Variants in PIK3CG observed in about 807,000 individuals in gnomAD.
PIK3CG encodes the protein phosphatidylinositol-4,5-bisphosphate 3-kinase catalytic subunit gamma.
Under a neutral mutation model 102.3 loss-of-function variants are expected in PIK3CG, and 55 were observed. That is an observed-to-expected ratio of 0.54 (90% CI 0.43 to 0.67). The LOEUF (loss-of-function observed/expected upper bound fraction) is 0.67. PIK3CG is among the 30% of genes least tolerant of loss of function. The pLI, the probability that PIK3CG is intolerant of heterozygous loss-of-function variation, is 0.00. For missense variants in PIK3CG, 1,258 were observed against 1,391.8 expected (o/e 0.90, Z 1.53); for synonymous variants, 552 against 540.0 (o/e 1.02, Z -0.31).
intron 5 of PIK3CG, among the ~76,000 whole-genome samples, chr7:106,875,872 A>T (rs529558803): frequency 6.0e-5 from 9 of 149,746 alleles, no homozygotes; most frequent in African/African-American, 2.2e-4. Context: ...GTTGTTTCAC[A>T]TCCTAGCAAG....
At position 106,880,443 on chromosome 7, in the gene PIK3CG, TTTG is replaced by T. The variant is rs1269216554; in HGVS notation, c.2538+779_2538+781del. 1.3e-5 allele frequency among the ~76,000 whole-genome samples: 2 copies of T among 152,094 alleles called. No homozygotes were observed. The highest frequency in any genetic ancestry group is 4.8e-5 in the African/African-American group (2 of 41,430). On this transcript the variant is annotated intron_variant, in intron 6 of 10. Transcript: ENST00000496166. The surrounding 1 kb of genome is among the most constrained non-coding windows in gnomAD (Gnocchi z 4.2). Reference sequence around the variant, plus strand: ...GAAACAGGAATACCTTTGCTTTGCCTTTGCTTTGCCTTTGCTTTGCTTTCAAGA... The same window carrying T: ...GAAACAGGAATACCTTTGCTTTGCCTCTTTGCCTTTGCTTTGCTTTCAAGA...
chr7:106,874,796 C>G lies in PIK3CG; in HGVS notation c.2384C>G (p.Ala795Gly), dbSNP rs143259740. The G allele has an allele frequency of 6.2e-7, 1 of 1,608,062 alleles. No individual in the cohort carries two copies. Among genetic ancestry groups the G allele is most frequent in the African/African-American group, 1.3e-5 (1 of 74,766 alleles). Residue 795 changes from alanine to glycine, a missense_variant, in exon 5 of 11, where the codon GCG (alanine) becomes GGG (glycine). By Grantham distance (60) the Ala-to-Gly change is moderately conservative (BLOSUM62 0). This residue lies in a region of PIK3CG where 426 missense variants were observed against 604.2 expected (regional missense o/e 0.71). Coordinates refer to ENST00000496166, the MANE Select transcript of PIK3CG (RefSeq NM_001282426.2). The surrounding 1 kb of genome is among the most constrained non-coding windows in gnomAD (Gnocchi z 4.3). The part of the protein sequence containing the change: ...VPYDPGLKAG[A>G]LAIEKCKVMA... ...TATGATCCTGGACTGAAAGCAGGAG[C>G]GCTGGCAGTAGGTATCACTTGGATG...
rs1268732424 is a variant in PIK3CG, at chr7:106,880,360, A to G, written c.2538+695A>G. Among the ~76,000 whole-genome samples the G allele has an allele frequency of 1.3e-5, 2 of 152,206 alleles. No individual in the cohort carries two copies. Among genetic ancestry groups the G allele is most frequent in the Non-Finnish European group, 2.9e-5 (2 of 68,032 alleles). On this transcript the variant is annotated intron_variant, in intron 6 of 10. Coordinates refer to ENST00000496166, the MANE Select transcript of PIK3CG (RefSeq NM_001282426.2). The surrounding 1 kb of genome is among the most constrained non-coding windows in gnomAD (Gnocchi z 4.2). ...AATTACATTGATTTCAAGGTAGCCTATTTAAAACTGGTCATGTTTCCAATT... is the reference window on the plus strand; with the variant it reads ...AATTACATTGATTTCAAGGTAGCCTGTTTAAAACTGGTCATGTTTCCAATT...
At chr7:106,888,423 T>C (rs570799139) in intron 10 of PIK3CG, among the ~76,000 whole-genome samples, 1 of 152,336 alleles carries the variant, frequency 6.6e-6, no homozygotes, top group South Asian at 2.1e-4. Flanking sequence ...TTTCAAAATA[T>C]GCTTTCACAA....
At chr7:106,886,911 C>A (rs1285069479) in intron 10 of PIK3CG, among the ~76,000 whole-genome samples, 47 of 145,958 alleles carry the variant, frequency 3.2e-4, no homozygotes, top group Admixed American at 2.9e-3. Flanking sequence ...TCAGGGGAGT[C>A]CAATCTTTTG....
intron 5 of PIK3CG, among the ~76,000 whole-genome samples, chr7:106,878,688 A>G (rs1328896589): frequency 6.6e-6 from 1 of 152,182 alleles, no homozygotes; most frequent in African/African-American, 2.4e-5. Flanking sequence ...GCAGGACGGC[A>G]ACTCCCGTAG....
At chr7:106,876,662 A>G (rs11971858) in intron 5 of PIK3CG, among the ~76,000 whole-genome samples, 2 of 151,700 alleles carry the variant, frequency 1.3e-5, no homozygotes, top group African/African-American at 4.8e-5. Context: ...CGGCCTCCCA[A>G]AGTGCTGGGA....
intron 10 of PIK3CG, among the ~76,000 whole-genome samples, chr7:106,887,786 C>T (rs1791142634): frequency 6.6e-6 from 1 of 152,008 alleles, no homozygotes; most frequent in Admixed American, 6.6e-5. Flanking sequence ...AGAATTTCAC[C>T]ATTTAAAGGG....
intron 10 of PIK3CG, among the ~76,000 whole-genome samples, chr7:106,888,438 G>A (rs947477852): frequency 2.0e-5 from 3 of 152,102 alleles, no homozygotes; most frequent in Non-Finnish European, 4.4e-5. Context: ...TCACAAAAAG[G>A]TTTGCAGTAT....
rs1346597375 is a variant in PIK3CG at position 106,868,713 on chromosome 7, G to C, written c.1152G>C (p.Glu384Asp). 1.2e-6 allele frequency: 2 copies of C among 1,614,080 alleles called. No homozygotes were observed. The highest frequency in any genetic ancestry group is 1.3e-5 in the African/African-American group (1 of 74,924). ...ACACCGACCTCACAGTTTTTGTAGA[G>C]GCAAACATCCAGCATGGGCAACAAG... Reference protein sequence around the residue: ...PRNTDLTVFVEANIQHGQQVL... With the variant: ...PRNTDLTVFVDANIQHGQQVL... The change falls in exon 2 of 11, where the codon GAG becomes GAC. Residue 384 changes from glutamate to aspartate, a missense_variant. Physicochemically the swap from Glu to Asp is conservative, Grantham distance 45 (BLOSUM62 2). Coordinates refer to ENST00000496166, the MANE Select transcript of PIK3CG (RefSeq NM_001282426.2). This position sits in a 1 kb window ranked among gnomAD's most constrained non-coding sequence, Gnocchi z 6.2.
rs1055572860 is a variant in PIK3CG, at chr7:106,899,590, C to T, written c.3031-5519C>T. The stretch of plus-strand genomic sequence containing the variant: ...AACATGAAAGGGTGTTGAATTTTAT[C>T]GAAAGGCTTTTCTGTGTCTATGGAG... On this transcript the variant is annotated intron_variant, in intron 10 of 10. Transcript: ENST00000496166. The surrounding 1 kb of genome is among the most constrained non-coding windows in gnomAD (Gnocchi z 4.6). Among the ~76,000 whole-genome samples, 1 of 152,134 alleles carries T rather than the reference C, an allele frequency of 6.6e-6. No individual in the cohort carries two copies. The highest frequency in any genetic ancestry group is 1.5e-5 in the Non-Finnish European group (1 of 68,006).
In PIK3CG at chr7:106,879,965, A is replaced by G. The variant is rs898313986; in HGVS notation, c.2538+300A>G. ...CCATTCTAAGCTTGATAACATAGAA[A>G]ATAGCCATATTTATCCCCAGCACTC... is the stretch of plus-strand genomic sequence containing the variant. On this transcript the variant is annotated intron_variant, in intron 6 of 10. Coordinates refer to ENST00000496166, the MANE Select transcript of PIK3CG (RefSeq NM_001282426.2). The surrounding 1 kb of genome is among the most constrained non-coding windows in gnomAD (Gnocchi z 4.9). 3.3e-5 allele frequency among the ~76,000 whole-genome samples: 5 copies of G among 152,308 alleles called. No homozygotes were observed. Among genetic ancestry groups the G allele is most frequent in the African/African-American group, 9.6e-5 (4 of 41,568 alleles).
At position 106,867,612 on chromosome 7, in the gene PIK3CG, C is replaced by A. The variant is rs3729673; in HGVS notation, c.51C>A (p.Cys17Ter). ...CCGTGGTGCTGAGAGAGGACAACTG[C>A]CGAAGGCGCCGGAGGATGAAGCCGC... Reference protein sequence around the residue: ...KQPVVLREDNCRRRRRMKPRS... With the variant: ...KQPVVLREDN The change falls in exon 2 of 11, where the codon TGC (cysteine) becomes TGA (stop). Residue 17 changes from cysteine (C) to a stop codon, truncating the protein, a stop_gained. Coordinates refer to ENST00000496166, the MANE Select transcript of PIK3CG (RefSeq NM_001282426.2). LOFTEE classifies it high-confidence loss of function. The surrounding 1 kb of genome is among the most constrained non-coding windows in gnomAD (Gnocchi z 5.1). 2 of 1,608,548 alleles carry A rather than the reference C, an allele frequency of 1.2e-6. No homozygotes were observed. Among genetic ancestry groups the A allele is most frequent in the Admixed American group, 1.7e-5 (1 of 59,038 alleles).
Position 106,884,397 on chromosome 7 carries a change from A to G in PIK3CG, c.2872+131A>G. On this transcript the variant is annotated intron_variant, in intron 9 of 10. Coordinates refer to ENST00000496166, the MANE Select transcript of PIK3CG (RefSeq NM_001282426.2). The surrounding 1 kb of genome is among the most constrained non-coding windows in gnomAD (Gnocchi z 4.2). ...TTACATATGTTCACCTTGTTGTACA[A>G]CCATCATCACCATTCATCCCCAGAA... The G allele has an allele frequency of 1.6e-6, 1 of 638,620 alleles. No individual in the cohort carries two copies. The highest frequency in any genetic ancestry group is 2.0e-5 in the South Asian group (1 of 49,542). The allele number at this position is 638,620 out of a possible 1,614,324, so 39.6% of individuals were successfully genotyped here. A position where few individuals can be genotyped will look rare whatever the true frequency, so the allele number is the denominator to read the frequency against.
chr7:106,870,368 T>G (rs187570208), intron 2 of PIK3CG, among the ~76,000 whole-genome samples: 6 of 152,300 alleles, frequency 3.9e-5, no homozygotes, highest in African/African-American at 1.4e-4. Flanking sequence ...GTTCCCCTGC[T>G]CACTTTAGCA....
rs200816202 is a variant in PIK3CG, at chr7:106,884,195, G to A, written c.2801G>A (p.Gly934Asp). 6.2e-7 allele frequency: 1 copy of A among 1,613,652 alleles called. No homozygotes were observed. The highest frequency in any genetic ancestry group is 8.5e-7 in the Non-Finnish European group (1 of 1,179,868). Residue 934 changes from glycine (G) to aspartate (D), a missense_variant, in exon 9 of 11, where the codon GGC (glycine) becomes GAC (aspartate). Around this residue, in one of 2 missense-constraint regions of PIK3CG, gnomAD observed 426 missense variants for 604.2 expected, o/e 0.71. Transcript: ENST00000496166. This position sits in a 1 kb window ranked among gnomAD's most constrained non-coding sequence, Gnocchi z 4.2. ...GAGAGATTTGTTTATTCCTGTGCAGGCTACTGTGTGGCAACCTTTGTTCTT... is the reference window on the plus strand; with the variant it reads ...GAGAGATTTGTTTATTCCTGTGCAGACTACTGTGTGGCAACCTTTGTTCTT... ...AVERFVYSCA[G>D]YCVATFVLGI...
At chr7:106,881,254 G>A (rs575641450) in intron 6 of PIK3CG, among the ~76,000 whole-genome samples, 6 of 152,190 alleles carry the variant, frequency 3.9e-5, no homozygotes, top group Admixed American at 2.0e-4. Flanking sequence ...TTGTTTATTT[G>A]TTGGGGCACA....
At position 106,880,908 on chromosome 7, in the gene PIK3CG, T is replaced by C. The variant is rs1790911925; in HGVS notation, c.2539-1209T>C. On this transcript the variant is annotated intron_variant, in intron 6 of 10. Transcript: ENST00000496166. This position sits in a 1 kb window ranked among gnomAD's most constrained non-coding sequence, Gnocchi z 4.2. The stretch of plus-strand genomic sequence containing the variant: ...CCACGCTGGCCTCAAACTCCTTGGC[T>C]CAATGAATCCTCCCACCTCAGCCTC... Among the ~76,000 whole-genome samples the C allele has an allele frequency of 6.6e-6, 1 of 152,122 alleles. No homozygotes were observed. The highest frequency in any genetic ancestry group is 6.5e-5 in the Admixed American group (1 of 15,270).
intron 10 of PIK3CG, among the ~76,000 whole-genome samples, chr7:106,904,262 G>A (rs1200087574): frequency 6.6e-6 from 1 of 151,938 alleles, no homozygotes; most frequent in African/African-American, 2.4e-5. Flanking sequence ...TTTGGCTATG[G>A]TGTATTAATC....
Sources: gnomAD v4.1 joint callset for allele counts (sites outside exome capture counted in the v4.1 genomes callset) on GRCh38, gnomAD v4.1.1 for gene constraint, gnomAD v4.1.1 regional missense constraint, Gnocchi (gnomAD v3.1) non-coding constraint, MANE v1.5 for transcripts, NCBI Gene and HGNC (gene_info 2026-07-23, HGNC 2026-07-21) for gene names.